CCDC85A: variants seen among roughly 807,000 people sequenced by gnomAD.
CCDC85A encodes coiled-coil domain containing 85A, also known as coiled-coil domain-containing protein 85A.
CCDC85A carries 38 observed loss-of-function variants against 50.2 expected under a neutral mutation model. That is an observed-to-expected ratio of 0.76 (90% confidence interval 0.58 to 0.99). The LOEUF is 0.99. CCDC85A is among the 50% of genes least tolerant of loss of function. The pLI is 0.00. For missense variants in CCDC85A, 820 were observed against 742.0 expected, an observed-to-expected ratio of 1.11 and a Z score of -1.22; for synonymous variants, 366 against 301.4, an observed-to-expected ratio of 1.21 and a Z score of -2.22.
At chr2:56,345,239 GT>G in intron 3 of CCDC85A, among the ~76,000 whole-genome samples, 1 of 152,220 alleles carries the variant, frequency 6.6e-6, no homozygotes, top group Non-Finnish European at 1.5e-5. Context: ...GAAAGATCAT[GT>G]TTTATTGATG....
At chr2:56,235,512 A>G (rs975223641) in intron 2 of CCDC85A, among the ~76,000 whole-genome samples, 13 of 152,158 alleles carry the variant, frequency 8.5e-5, no homozygotes, top group Non-Finnish European at 1.5e-4. Context: ...TCAATGAGAG[A>G]AGCAGAATGT....
chr2:56,375,624 T>G (rs1340149534), intron 4 of CCDC85A, among the ~76,000 whole-genome samples, 192 bp from the exon 5 acceptor site: 1 of 152,218 alleles, frequency 6.6e-6, no homozygotes, highest in Non-Finnish European at 1.5e-5. Context: ...GAAGTGGCTC[T>G]TCTTTATGTT....
At chr2:56,295,432 T>C (rs894526566) in intron 2 of CCDC85A, among the ~76,000 whole-genome samples, 3 of 152,208 alleles carry the variant, frequency 2.0e-5, no homozygotes, top group African/African-American at 7.2e-5. Context: ...ATAAATATAA[T>C]TGATTAATAA....
At chr2:56,253,433 G>C (rs750717999) in intron 2 of CCDC85A, among the ~76,000 whole-genome samples, 1 of 152,112 alleles carries the variant, frequency 6.6e-6, no homozygotes, top group Non-Finnish European at 1.5e-5. Context: ...AAGAAGACCA[G>C]AGCGGGTTGG....
At chr2:56,273,295 T>C (rs938766896) in intron 2 of CCDC85A, among the ~76,000 whole-genome samples, 4 of 152,062 alleles carry the variant, frequency 2.6e-5, no homozygotes, top group Non-Finnish European at 5.9e-5. Context: ...TATTTTAAAA[T>C]TCTCAAAACT....
At chr2:56,313,838 G>A (rs954625143) in intron 2 of CCDC85A, among the ~76,000 whole-genome samples, 1 of 151,962 alleles carries the variant, frequency 6.6e-6, no homozygotes, top group Non-Finnish European at 1.5e-5. Context: ...AGGGAGGGCA[G>A]GGACTTTGGT....
chr2:56,224,203 G>A (rs983718248), intron 2 of CCDC85A, among the ~76,000 whole-genome samples: 2 of 152,112 alleles, frequency 1.3e-5, no homozygotes, highest in Non-Finnish European at 2.9e-5. Context: ...TTTCATATAA[G>A]TGGGATAAGA....
At chr2:56,224,909 T>A (rs1668479138) in intron 2 of CCDC85A, among the ~76,000 whole-genome samples, 1 of 152,176 alleles carries the variant, frequency 6.6e-6, no homozygotes, top group Non-Finnish European at 1.5e-5. Flanking sequence ...TTCATTTTCT[T>A]ACAAGCAGAA....
intron 1 of CCDC85A, among the ~76,000 whole-genome samples, chr2:56,188,976 G>A (rs944196988): frequency 1.3e-5 from 2 of 152,218 alleles, no homozygotes; most frequent in South Asian, 2.1e-4. Context: ...TCTAGTGATT[G>A]TTCTAGCTAG....
At chr2:56,310,207 C>A (rs1212021924) in intron 2 of CCDC85A, among the ~76,000 whole-genome samples, 2 of 152,098 alleles carry the variant, frequency 1.3e-5, no homozygotes, top group African/African-American at 4.8e-5. Context: ...AATGTCATGA[C>A]CGTGTTGACT....
chr2:56,228,336 A>AATAATG lies in CCDC85A; in HGVS notation c.1240+34901_1240+34902insGATAAT, dbSNP rs1668628934. Among the ~76,000 whole-genome samples, 4 of 151,126 alleles carry AATAATG rather than the reference A, an allele frequency of 2.6e-5. 1 individual carries two copies. In the South Asian group the frequency reaches 8.4e-4, roughly 32 times the overall value. ...CTAAAACTTAAAGTATAATAATAAT[A>AATAATG]ATAATAATAAAATTGAGGATAATAA... is the stretch of plus-strand genomic sequence containing the variant. On this transcript the variant is annotated intron_variant, in intron 2 of 5. Transcript: ENST00000407595.
At chr2:56,252,007 G>A (rs1237690694) in intron 2 of CCDC85A, among the ~76,000 whole-genome samples, 1 of 150,898 alleles carries the variant, frequency 6.6e-6, no homozygotes, top group Non-Finnish European at 1.5e-5. Flanking sequence ...TTATGTCTCT[G>A]TGGGCTTCAT....
intron 2 of CCDC85A, among the ~76,000 whole-genome samples, chr2:56,207,198 G>A (rs1230213299): frequency 6.6e-6 from 1 of 152,124 alleles, no homozygotes; most frequent in Non-Finnish European, 1.5e-5. Flanking sequence ...AGCTTGTTAT[G>A]TTCTATCTAA....
chr2:56,310,109 G>C (rs1004117131), intron 2 of CCDC85A, among the ~76,000 whole-genome samples: 13 of 152,174 alleles, frequency 8.5e-5, no homozygotes, highest in African/African-American at 3.1e-4. Flanking sequence ...ACTTGTGACA[G>C]GAGTAGAGCC....
At chr2:56,273,817 A>G (rs1197100539) in intron 2 of CCDC85A, among the ~76,000 whole-genome samples, 2 of 152,052 alleles carry the variant, frequency 1.3e-5, no homozygotes, top group Non-Finnish European at 2.9e-5. Context: ...TCTAGAAAAA[A>G]ATGGAGTTTA....
intron 2 of CCDC85A, among the ~76,000 whole-genome samples, chr2:56,330,460 C>T (rs886608743): frequency 6.6e-6 from 1 of 152,174 alleles, no homozygotes; most frequent in Non-Finnish European, 1.5e-5. Context: ...GTCCTGGGAG[C>T]ACAGAACTTT....
chr2:56,337,965 A>G (rs1399347271), intron 2 of CCDC85A, among the ~76,000 whole-genome samples: 1 of 151,788 alleles, frequency 6.6e-6, no homozygotes, highest in East Asian at 1.9e-4. Context: ...TTGTATTTTT[A>G]GTGGAGACAG....
rs574994476 is a variant in CCDC85A at position 56,272,065 on chromosome 2, A to G, written c.1241-70814A>G. Among the ~76,000 whole-genome samples the G allele has an allele frequency of 6.6e-5, 10 of 152,292 alleles. No individual in the cohort carries two copies. In the East Asian group the frequency reaches 1.4e-3, roughly 21 times the overall value. ...TGATTGTGAGACTAAGAAGATGGTA[A>G]AGGACATAGTATAATGTCACAAATT... On this transcript the variant is annotated intron_variant, in intron 2 of 5. Transcript: ENST00000407595.
At chr2:56,296,646 A>G (rs762064409) in intron 2 of CCDC85A, among the ~76,000 whole-genome samples, 25 of 152,220 alleles carry the variant, frequency 1.6e-4, no homozygotes, top group Non-Finnish European at 2.8e-4. Flanking sequence ...GTTTTACAAA[A>G]GAGACATAGG....
Sources: allele counts gnomAD v4.1 joint callset (sites outside exome capture counted in the v4.1 genomes callset), GRCh38; gene constraint gnomAD v4.1.1; transcripts MANE v1.5; gene names NCBI Gene and HGNC (gene_info 2026-07-23, HGNC 2026-07-21).